MED18: variants seen among roughly 807,000 people sequenced by gnomAD.
The protein encoded by MED18 is mediator of RNA polymerase II transcription subunit 18.
In MED18, 10 loss-of-function variants were observed where a neutral mutation model predicts 13.9. That is an observed-to-expected ratio of 0.72 (90% CI 0.44 to 1.22). The LOEUF (loss-of-function observed/expected upper bound fraction) is 1.22. Ranked by LOEUF, MED18 falls within the 50% of genes most tolerant of loss-of-function variation. The pLI is 0.00. For synonymous variants in MED18, 88 were observed against 93.2 expected, an observed-to-expected ratio of 0.94 and a Z score of 0.32; for missense variants, 216 against 279.0, an observed-to-expected ratio of 0.77 and a Z score of 1.61.
At chr1:28,329,345 G>A (rs1168272014) in intron 1 of MED18, among the ~76,000 whole-genome samples, 165 bp downstream of exon 1, 2 of 139,332 alleles carry the variant, frequency 1.4e-5, no homozygotes, top group East Asian at 4.2e-4. Flanking sequence ...GGAGTGCAAT[G>A]GCGCGATCTC....
At chr1:28,331,280 T>C (rs1357008995) in intron 2 of MED18, among the ~76,000 whole-genome samples, 1 of 152,104 alleles carries the variant, frequency 6.6e-6, no homozygotes, top group Non-Finnish European at 1.5e-5. Context: ...ACAACAGATC[T>C]TTAGAACTTT....
intron 2 of MED18, among the ~76,000 whole-genome samples, chr1:28,331,885 G>C (rs1369158811): frequency 6.6e-6 from 1 of 152,006 alleles, no homozygotes; most frequent in Non-Finnish European, 1.5e-5. Context: ...CGGGATTACA[G>C]GTGTGCACCA....
rs1471338654 is a variant in MED18 at position 28,330,655 on chromosome 1, T to TA, written c.-7dup. ...GAGTCCAGTTGTGTTGTCTTCAACT[T>TA]AGACACCATGGAGGCACCTCCAGTC... On this transcript the variant is annotated 5_prime_UTR_variant, in exon 2 of 3. Transcript: ENST00000373842. 6.2e-7 allele frequency: 1 copy of TA among 1,604,818 alleles called. No homozygotes were observed. Among genetic ancestry groups the TA allele is most frequent in the African/African-American group, 1.3e-5 (1 of 74,466 alleles).
Position 28,329,139 on chromosome 1 carries a change from A to G in MED18, c.-108A>G, listed in dbSNP as rs530323679. On this transcript the variant is annotated 5_prime_UTR_variant, in exon 1 of 3. In the 5' UTR this introduces an upstream ATG that the reference lacks. Coordinates refer to ENST00000373842, the MANE Select transcript of MED18 (RefSeq NM_017638.3). ...AAAGCTCCTAGGTGCGCGGGTGGAT[A>G]TAATTCCCGGCTTCTCGAGAAGACA... 21 of 152,320 alleles carry G rather than the reference A, an allele frequency of 1.4e-4. No homozygotes were observed. Among genetic ancestry groups the G allele is most frequent in the African/African-American group, 4.8e-4 (20 of 41,564 alleles). 9.4% of individuals were successfully genotyped at this position (152,320 alleles called of 1,614,324 possible). A position where few individuals can be genotyped will look rare whatever the true frequency, so the allele number is the denominator to read the frequency against.
At position 28,335,020 on chromosome 1, in the gene MED18, A is replaced by C; in HGVS notation, c.*50A>C. 8 of 1,498,188 alleles carry C rather than the reference A, an allele frequency of 5.3e-6. No individual in the cohort carries two copies. Among genetic ancestry groups the C allele is most frequent in the Middle Eastern group, 1.8e-4 (1 of 5,604 alleles). The allele number at this position is 1,498,188 out of a possible 1,614,324, so 92.8% of individuals were successfully genotyped here. A position where few individuals can be genotyped will look rare whatever the true frequency, so the allele number is the denominator to read the frequency against. On this transcript the variant is annotated 3_prime_UTR_variant, in exon 3 of 3. Coordinates refer to ENST00000373842, the MANE Select transcript of MED18 (RefSeq NM_017638.3). ...GGCCTATCCTTACTTGTTTGAAAAA[A>C]TATGTTTGCTTTTTTTGGTTTTTGT...
rs947466745 is a variant in MED18 at position 28,334,479 on chromosome 1, A to G, written c.136A>G (p.Met46Val). The G allele has an allele frequency of 9.3e-6, 15 of 1,614,100 alleles. No individual in the cohort carries two copies. Among genetic ancestry groups the G allele is most frequent in the African/African-American group, 2.7e-5 (2 of 74,930 alleles). Residue 46 changes from methionine to valine, a missense_variant, in exon 3 of 3, where the codon ATG becomes GTG. Met to Val is a conservative substitution (Grantham distance 21). Coordinates refer to ENST00000373842, the MANE Select transcript of MED18 (RefSeq NM_017638.3). ...IHRLRGLCDN[M>V]EPETFLDHEM... ...CCGCCTTCGTGGTTTGTGTGACAAC[A>G]TGGAACCTGAGACTTTCCTTGACCA...
rs1649885669 is a variant in MED18, at chr1:28,334,895, T to G, written c.552T>G (p.Asp184Glu). The G allele has an allele frequency of 1.9e-6, 3 of 1,614,020 alleles. No homozygotes were observed. In the African/African-American group the frequency reaches 4.0e-5, roughly 22 times the overall value. Residue 184 changes from aspartate (D) to glutamate (E), a missense_variant, in exon 3 of 3, where the codon GAT (aspartate) becomes GAG (glutamate). Coordinates refer to ENST00000373842, the MANE Select transcript of MED18 (RefSeq NM_017638.3). ...VAPAGQDMVS[D>E]DMKNFAEQLK... ...CCGCTGGGCAGGACATGGTCTCTGA[T>G]GACATGAAGAACTTCGCAGAACAGC...
At position 28,330,680 on chromosome 1, in the gene MED18, C is replaced by T; in HGVS notation, c.18C>T (p.Val6=). MEAPP[V]TMMPVTGGTI... The stretch of plus-strand genomic sequence containing the variant: ...TAGACACCATGGAGGCACCTCCAGT[C>T]ACCATGATGCCTGTCACTGGGGGCA... The change falls in exon 2 of 3, where the codon GTC becomes GTT. Residue 6 remains valine, a synonymous_variant. Transcript: ENST00000373842. The T allele has an allele frequency of 6.2e-7, 1 of 1,606,772 alleles. No homozygotes were observed. Among genetic ancestry groups the T allele is most frequent in the Non-Finnish European group, 8.5e-7 (1 of 1,177,034 alleles).
chr1:28,332,856 C>T (rs543766299), intron 2 of MED18, among the ~76,000 whole-genome samples: 4 of 152,228 alleles, frequency 2.6e-5, no homozygotes, highest in South Asian at 2.1e-4. Flanking sequence ...TAGAAAGAGG[C>T]GATTGCAAAG....
At chr1:28,331,705 A>AT (rs1649741801) in intron 2 of MED18, among the ~76,000 whole-genome samples, 1 of 151,904 alleles carries the variant, frequency 6.6e-6, no homozygotes, top group Admixed American at 6.6e-5. Flanking sequence ...ACTCCCCTCT[A>AT]TGCCAAACCC....
rs754831629 is a variant in MED18, at chr1:28,330,745, C to A, written c.73+10C>A. ...GAGTACCTGTTGCAGGGTAAGTGAA[C>A]TAGGGAACTTGGATTACCTGTTTTC... On this transcript the variant is annotated intron_variant, in intron 2 of 2. Transcript: ENST00000373842. The A allele has an allele frequency of 1.1e-5, 17 of 1,586,150 alleles. No homozygotes were observed. The highest frequency in any genetic ancestry group is 2.7e-5 in the African/African-American group (2 of 73,390).
At chr1:28,334,186 T>C (rs1449110744) in intron 2 of MED18, among the ~76,000 whole-genome samples, 1 of 152,178 alleles carries the variant, frequency 6.6e-6, no homozygotes, top group African/African-American at 2.4e-5. Flanking sequence ...CTAAAGACTT[T>C]GTAGTGCTAA....
intron 1 of MED18, among the ~76,000 whole-genome samples, chr1:28,329,642 T>C (rs892018649): frequency 6.6e-6 from 1 of 152,120 alleles, no homozygotes; most frequent in African/African-American, 2.4e-5. Flanking sequence ...CTCCCGCCTG[T>C]AGTAGTCCCA....
At chr1:28,332,434 T>A (rs1569637841) in intron 2 of MED18, among the ~76,000 whole-genome samples, 1 of 150,712 alleles carries the variant, frequency 6.6e-6, no homozygotes, top group East Asian at 1.9e-4. Context: ...AACTATGCCA[T>A]AAAAATAAAG....
chr1:28,330,860 T>C (rs1649699311), intron 2 of MED18, 125 bp downstream of exon 2: 4 of 650,256 alleles, frequency 6.2e-6, no homozygotes. Context: ...TTTTAACTGT[T>C]ACTTTAAATT....
At chr1:28,330,532 A>G in intron 1 of MED18, 65 bp from the exon 2 acceptor site, 1 of 605,078 alleles carries the variant, frequency 1.7e-6, no homozygotes, top group Non-Finnish European at 2.9e-6. Flanking sequence ...TTTGAAGGCC[A>G]GTGCCACAAC....
At position 28,334,932 on chromosome 1, in the gene MED18, G is replaced by A; in HGVS notation, c.589G>A (p.Val197Ile). 1 of 1,614,076 alleles carries A rather than the reference G, an allele frequency of 6.2e-7. No homozygotes were observed. The highest frequency in any genetic ancestry group is 8.5e-7 in the Non-Finnish European group (1 of 1,179,988). Residue 197 changes from valine (V) to isoleucine (I), a missense_variant, in exon 3 of 3, where the codon GTT becomes ATT. By Grantham distance (29) the Val-to-Ile change is conservative. Coordinates refer to ENST00000373842, the MANE Select transcript of MED18 (RefSeq NM_017638.3). ...CTTCGCAGAACAGCTAAAACCTCTG[G>A]TTCACCTAGAGAAAATAGACCCCAA... is the stretch of plus-strand genomic sequence containing the variant. ...KNFAEQLKPL[V>I]HLEKIDPKRL... is the part of the protein sequence containing the mutation.
chr1:28,330,465 C>A lies in MED18; in HGVS notation c.-66-132C>A, dbSNP rs563695322. The A allele has an allele frequency of 4.3e-4, 188 of 436,110 alleles. 2 individuals are homozygous for A. The highest frequency in any genetic ancestry group is 3.2e-3 in the Middle Eastern group (5 of 1,584). The allele number at this position is 436,110 out of a possible 1,614,324, so 27.0% of individuals were successfully genotyped here. A position where few individuals can be genotyped will look rare whatever the true frequency, so the allele number is the denominator to read the frequency against. On this transcript the variant is annotated intron_variant, in intron 1 of 2. Transcript: ENST00000373842. The stretch of plus-strand genomic sequence containing the variant: ...TTTCTATATTTCTGTGTCATCAGTT[C>A]CTGGAACTGGCCATATAAGGAAATA...
chr1:28,331,678 A>T (rs1366764752), intron 2 of MED18, among the ~76,000 whole-genome samples: 1 of 152,090 alleles, frequency 6.6e-6, no homozygotes, highest in Non-Finnish European at 1.5e-5. Flanking sequence ...CTCTATACCC[A>T]TTAAACACTA....
Sources: gnomAD v4.1 joint callset for allele counts (sites outside exome capture counted in the v4.1 genomes callset) on GRCh38, gnomAD v4.1.1 for gene constraint, MANE v1.5 for transcripts, NCBI Gene and HGNC (gene_info 2026-07-23, HGNC 2026-07-21) for gene names.